Variants in PAH observed in about 807,000 individuals in gnomAD.
PAH encodes the protein phenylalanine-4-hydroxylase.
PAH carries 64 observed loss-of-function variants against 62.0 expected under a neutral mutation model. The observed-to-expected ratio is 1.03, with a 90% CI of 0.84 to 1.27. The LOEUF (loss-of-function observed/expected upper bound fraction) is 1.27, where lower values mean the gene tolerates loss of function less well. Ranked by LOEUF, PAH falls within the 50% of genes most tolerant of loss-of-function variation. PAH has a pLI of 0.00. For missense variants in PAH, 579 were observed against 542.8 expected (o/e 1.07, Z -0.66); for synonymous variants, 195 against 196.2 (o/e 0.99, Z 0.05).
At chr12:102,958,162 G>A in intron 1 of PAH, 1 of 1,109,168 alleles carries the variant, frequency 9.0e-7, no homozygotes, top group Non-Finnish European at 1.2e-6. Context: ...CTGCACCCAA[G>A]TTCTCTCTGT....
intron 1 of PAH, among the ~76,000 whole-genome samples, chr12:102,938,518 G>C (rs538587951): frequency 1.3e-5 from 2 of 152,112 alleles, no homozygotes; most frequent in Admixed American, 6.5e-5. Flanking sequence ...CTGAGGAAGG[G>C]ACAGACTGCA....
intron 1 of PAH, among the ~76,000 whole-genome samples, chr12:102,927,115 C>T (rs186982834): frequency 6.6e-6 from 1 of 152,108 alleles, no homozygotes; most frequent in Admixed American, 6.6e-5. Context: ...AGAGAAGGCT[C>T]AGCCATTGAT....
At chr12:102,901,049 G>T (rs953751616) in intron 2 of PAH, among the ~76,000 whole-genome samples, 2 of 152,136 alleles carry the variant, frequency 1.3e-5, no homozygotes, top group Non-Finnish European at 2.9e-5. Context: ...TTTTTCTAAG[G>T]ATTCACCAGA....
chr12:102,864,572 AT>A (rs1229658555), intron 5 of PAH, among the ~76,000 whole-genome samples: 1 of 152,174 alleles, frequency 6.6e-6, no homozygotes, highest in Non-Finnish European at 1.5e-5. Flanking sequence ...AATGTTAAAA[AT>A]GTGACACTAA....
intron 1 of PAH, among the ~76,000 whole-genome samples, chr12:102,932,999 T>G (rs1270052186): frequency 1.3e-5 from 2 of 152,214 alleles, no homozygotes. Context: ...ATTATGCTCT[T>G]TCATTTTAAA....
At chr12:102,871,922 C>CAAAAAAAAA (rs1168829038) in intron 4 of PAH, among the ~76,000 whole-genome samples, 1 of 115,514 alleles carries the variant, frequency 8.7e-6, no homozygotes, top group African/African-American at 3.7e-5. Flanking sequence ...AACTCTGCCT[C>CAAAAAAAAA]AAAAAAAAAA....
At chr12:102,901,935 T>C (rs930594680) in intron 2 of PAH, among the ~76,000 whole-genome samples, 2 of 152,216 alleles carry the variant, frequency 1.3e-5, no homozygotes, top group African/African-American at 2.4e-5. Flanking sequence ...TGTGGAGCTT[T>C]ATGTTCTCAA....
At chr12:102,898,333 A>G (rs1877597025) in intron 2 of PAH, among the ~76,000 whole-genome samples, 1 of 152,238 alleles carries the variant, frequency 6.6e-6, no homozygotes, top group Non-Finnish European at 1.5e-5. Flanking sequence ...ATCATCTGCT[A>G]CTTAGTCAGA....
At chr12:102,866,549 A>C (rs746904155) in intron 5 of PAH, 47 bp downstream of exon 5, 3 of 1,402,628 alleles carry the variant, frequency 2.1e-6, no homozygotes. Context: ...GAAGCAGGCT[A>C]GGGGTGTGTT....
intron 1 of PAH, among the ~76,000 whole-genome samples, chr12:102,915,477 C>T (rs781478018): frequency 2.0e-5 from 3 of 152,180 alleles, no homozygotes; most frequent in Non-Finnish European, 2.9e-5. Flanking sequence ...TTGCTATGGA[C>T]ATAATATGGG....
chr12:102,869,824 C>T (rs10778204), intron 4 of PAH, among the ~76,000 whole-genome samples: 35,528 of 151,992 alleles, frequency 0.23, 5,047 homozygotes, highest in East Asian at 0.76. Context: ...CCTCTGTAGC[C>T]GTCCATGTGG....
intron 1 of PAH, among the ~76,000 whole-genome samples, chr12:102,940,593 T>C (rs901650944): frequency 6.6e-6 from 1 of 152,222 alleles, no homozygotes; most frequent in African/African-American, 2.4e-5. Flanking sequence ...GACTGGTTCT[T>C]TGAATTAGTT....
At chr12:102,956,260 C>T (rs1879908095) in intron 1 of PAH, among the ~76,000 whole-genome samples, 1 of 152,260 alleles carries the variant, frequency 6.6e-6, no homozygotes, top group Non-Finnish European at 1.5e-5. Flanking sequence ...CCCAGCCTCT[C>T]TCCGGACCAG....
intron 4 of PAH, among the ~76,000 whole-genome samples, chr12:102,874,372 C>G (rs1287633163): frequency 2.6e-5 from 4 of 152,226 alleles, no homozygotes; most frequent in African/African-American, 9.6e-5. Context: ...CCTTCTCTCT[C>G]TACTGTACAA....
intron 2 of PAH, among the ~76,000 whole-genome samples, chr12:102,910,045 T>G (rs1004593038): frequency 6.6e-5 from 10 of 152,124 alleles, no homozygotes; most frequent in Admixed American, 1.3e-4. Context: ...GGTAAAAAAT[T>G]TTCTTTAGAT....
At chr12:102,954,944 C>T (rs970773775), upstream of PAH, among the ~76,000 whole-genome samples, 3 of 151,944 alleles carry the variant, frequency 2.0e-5, no homozygotes, top group Admixed American at 6.6e-5. Flanking sequence ...GAGAACGCCT[C>T]GGTTCTTGGA....
rs572294255 is a variant in PAH, at chr12:102,843,435, C to T, written c.1199+211G>A. Among the ~76,000 whole-genome samples, 5 of 152,158 alleles carry T rather than the reference C, an allele frequency of 3.3e-5. No homozygotes were observed. The East Asian group carries it at 5.8e-4, about 18-fold the overall frequency. ...CTTGGTGGTTGCGTTGAACAGGGAC[C>T]AGGTGGCAGGGGTGTGTGCAAAGGT... On this transcript the variant is annotated intron_variant, in intron 11 of 12. Transcript: ENST00000553106.
chr12:102,893,621 C>A (rs1877370784), intron 3 of PAH, among the ~76,000 whole-genome samples: 1 of 152,080 alleles, frequency 6.6e-6, no homozygotes, highest in African/African-American at 2.4e-5. Context: ...TTAATCCTCA[C>A]AAAAGCCCTA....
At chr12:102,958,368 GCCGCCGC>G (rs758213152), upstream of PAH, 21 of 1,442,810 alleles carry the variant, frequency 1.5e-5, no homozygotes, top group East Asian at 4.2e-4. Flanking sequence ...GGCGGCCGCA[GCCGCCGC>G]AGCGGCAGCG....
Sources: allele counts gnomAD v4.1 joint callset (sites outside exome capture counted in the v4.1 genomes callset), GRCh38; gene constraint gnomAD v4.1.1; transcripts MANE v1.5; gene names NCBI Gene and HGNC (gene_info 2026-07-23, HGNC 2026-07-21).